HSPBAP1: variants seen among roughly 807,000 people sequenced by gnomAD.
HSPBAP1 encodes HSPB1 associated protein 1, also known as HSPB1-associated protein 1.
Under a neutral mutation model 45.2 loss-of-function variants are expected in HSPBAP1, and 27 were observed. The ratio of observed to expected loss-of-function variants is 0.60; its 90% CI spans 0.44 to 0.82. HSPBAP1 has a LOEUF of 0.82. Among genes scored for constraint, HSPBAP1 ranks in the 40% least tolerant of loss-of-function variants. The probability of loss-of-function intolerance (pLI) is 0.00; values close to 1 mark genes in which losing one functional copy is unlikely to be tolerated. For missense variants in HSPBAP1, 510 were observed against 590.9 expected (o/e 0.86, Z 1.42); for synonymous variants, 204 against 202.7 (o/e 1.01, Z -0.06).
chr3:122,779,783 G>T (rs370377325), intron 1 of HSPBAP1, among the ~76,000 whole-genome samples: 7,107 of 150,144 alleles, frequency 0.047, 194 homozygotes, highest in Middle Eastern at 0.092. Flanking sequence ...ATTTAACCCT[G>T]AGTGGACACA....
intron 6 of HSPBAP1, among the ~76,000 whole-genome samples, chr3:122,747,388 C>A (rs1230185404): frequency 1.3e-5 from 2 of 151,568 alleles, no homozygotes; most frequent in African/African-American, 4.9e-5. Flanking sequence ...GGCAACCGCC[C>A]CATCTGAGAA....
At chr3:122,749,073 A>G (rs1211968350) in intron 6 of HSPBAP1, among the ~76,000 whole-genome samples, 1 of 151,908 alleles carries the variant, frequency 6.6e-6, no homozygotes, top group Non-Finnish European at 1.5e-5. Flanking sequence ...ACATATTTAT[A>G]TGCTTATGCA....
At chr3:122,761,897 T>A (rs757130828) in intron 3 of HSPBAP1, 2 of 151,804 alleles carry the variant, frequency 1.3e-5, no homozygotes. Context: ...GGTAGTCAAA[T>A]GTCTGAAGTC....
chr3:122,777,932 T>C (rs774877049), intron 1 of HSPBAP1, 26 bp from the exon 2 acceptor site: 6 of 1,537,080 alleles, frequency 3.9e-6, no homozygotes, highest in South Asian at 2.3e-5. Context: ...AATACAGCAA[T>C]AGATAGAAAA....
At chr3:122,753,002 G>T in intron 5 of HSPBAP1, 1 of 1,032,862 alleles carries the variant, frequency 9.7e-7, no homozygotes, top group Non-Finnish European at 1.2e-6. Flanking sequence ...ATAGTTGCGT[G>T]CATTCTGAGA....
At chr3:122,752,107 G>T (rs963681749) in intron 6 of HSPBAP1, among the ~76,000 whole-genome samples, 2 of 152,264 alleles carry the variant, frequency 1.3e-5, no homozygotes, top group African/African-American at 4.8e-5. Context: ...CAGAGGGAAA[G>T]GCTTCTGGCA....
intron 6 of HSPBAP1, among the ~76,000 whole-genome samples, chr3:122,748,325 G>C (rs1288970619): frequency 1.3e-5 from 2 of 150,404 alleles, no homozygotes; most frequent in African/African-American, 4.9e-5. Context: ...CTCCACTATT[G>C]TCCTATGACC....
At chr3:122,747,340 C>T (rs1162013638) in intron 6 of HSPBAP1, among the ~76,000 whole-genome samples, 5 of 151,700 alleles carry the variant, frequency 3.3e-5, no homozygotes, top group East Asian at 2.0e-4. Context: ...CGTCTCTGCC[C>T]GGCCGCCCCG....
chr3:122,786,766 C>G (rs753084143), intron 1 of HSPBAP1, among the ~76,000 whole-genome samples: 1 of 152,102 alleles, frequency 6.6e-6, no homozygotes, highest in Non-Finnish European at 1.5e-5. Context: ...AGCAGAGTAG[C>G]AGGATGTTCA....
chr3:122,788,931 TTTATG>T (rs1036860577), intron 1 of HSPBAP1, among the ~76,000 whole-genome samples: 9 of 152,290 alleles, frequency 5.9e-5, no homozygotes, highest in African/African-American at 1.9e-4. Context: ...CATGGTAAAT[TTTATG>T]TTATATGTTT....
At position 122,752,656 on chromosome 3, in the gene HSPBAP1, G is replaced by C. The variant is rs762847281; in HGVS notation, c.760C>G (p.His254Asp). The C allele has an allele frequency of 6.2e-7, 1 of 1,608,146 alleles. No individual in the cohort carries two copies. Among genetic ancestry groups the C allele is most frequent in the Non-Finnish European group, 8.5e-7 (1 of 1,177,486 alleles). ...SPGQVLFVPR[H>D]WWHYVESIDP... is the part of the protein sequence containing the mutation. ...ATGGATTCTACGTAATGCCACCAGT[G>C]TCTGGGAACAAAGAGAACCTGAAAA... Residue 254 changes from histidine to aspartate, a missense_variant, in exon 6 of 8, where the codon CAC becomes GAC. His to Asp is a moderately conservative substitution (Grantham distance 81, BLOSUM62 -1). Transcript: ENST00000306103.
chr3:122,780,483 ACGGGGCAGCTGGCCGGG>A lies in HSPBAP1; in HGVS notation c.65-2594_65-2578del, dbSNP rs1935400787. Among the ~76,000 whole-genome samples the A allele has an allele frequency of 8.0e-5, 9 of 112,084 alleles. No homozygotes were observed. The South Asian group carries it at 2.3e-3, about 29-fold the overall frequency. The allele number at this position is 112,084 out of a possible 152,430, so 73.5% of individuals were successfully genotyped here. Reference sequence around the variant, plus strand: ...GGCAGAGGCGCCCCTCACCTCCCGGACGGGGCAGCTGGCCGGGCGGGGGCTGACCCCCCCACCTCCCT... The same window carrying A: ...GGCAGAGGCGCCCCTCACCTCCCGGACGGGGGCTGACCCCCCCACCTCCCT... On this transcript the variant is annotated intron_variant, in intron 1 of 7. Coordinates refer to ENST00000306103, the MANE Select transcript of HSPBAP1 (RefSeq NM_024610.6).
rs1417402986 is a variant in HSPBAP1 at position 122,780,549 on chromosome 3, C to T, written c.65-2643G>A. ...CTCCCGGACGGGGCGGCTGGCCGGA[C>T]GGGGGGCTGAACCCCCAACTCACTC... On this transcript the variant is annotated intron_variant, in intron 1 of 7. Coordinates refer to ENST00000306103, the MANE Select transcript of HSPBAP1 (RefSeq NM_024610.6). Among the ~76,000 whole-genome samples the T allele has an allele frequency of 9.9e-5, 13 of 131,538 alleles. 1 individual carries two copies. Among genetic ancestry groups the T allele is most frequent in the African/African-American group, 4.0e-4 (12 of 30,056 alleles). 86.3% of individuals were successfully genotyped at this position (131,538 alleles called of 152,430 possible).
At chr3:122,758,763 G>A in intron 4 of HSPBAP1, 1 of 454,962 alleles carries the variant, frequency 2.2e-6, no homozygotes, top group Non-Finnish European at 4.4e-6. Flanking sequence ...TGGGCATACT[G>A]GCACACACCT....
chr3:122,774,893 CT>C (rs995158702), intron 2 of HSPBAP1, among the ~76,000 whole-genome samples: 113 of 152,292 alleles, frequency 7.4e-4, no homozygotes, highest in Middle Eastern at 3.4e-3. Flanking sequence ...TGCTCATATC[CT>C]TTGATCCAGT....
rs555999827 is a variant in HSPBAP1, at chr3:122,740,362, G to A, written c.1450C>T (p.Gln484Ter). 1 of 1,600,366 alleles carries A rather than the reference G, an allele frequency of 6.2e-7. No homozygotes were observed. The highest frequency in any genetic ancestry group is 1.1e-5 in the South Asian group (1 of 90,158). ...CACTTGAATCATAAACTTCTTCCTTGTATCAAAAGTTGTGCCACTATCCTG... is the reference window on the plus strand; with the variant it reads ...CACTTGAATCATAAACTTCTTCCTTATATCAAAAGTTGTGCCACTATCCTG... The part of the protein sequence containing the change: ...VTRIVAQLLI[Q>*]GRSL Residue 484 changes from glutamine to a stop codon, truncating the protein, a stop_gained, in exon 8 of 8, where the codon CAA (glutamine) becomes TAA (stop). Coordinates refer to ENST00000306103, the MANE Select transcript of HSPBAP1 (RefSeq NM_024610.6). LOFTEE classifies it high-confidence loss of function.
At chr3:122,762,182 A>G (rs1934616034) in intron 3 of HSPBAP1, among the ~76,000 whole-genome samples, 1 of 152,188 alleles carries the variant, frequency 6.6e-6, no homozygotes, top group Non-Finnish European at 1.5e-5. Flanking sequence ...GGAGGGTCCT[A>G]GATCTGCTTT....
intron 5 of HSPBAP1, chr3:122,753,534 G>A: frequency 1.0e-6 from 1 of 984,692 alleles, no homozygotes; most frequent in South Asian, 4.7e-5. Context: ...ATATAAATAG[G>A]AAGGTATAAT....
chr3:122,782,782 C>T (rs1935530036), intron 1 of HSPBAP1, among the ~76,000 whole-genome samples: 1 of 152,066 alleles, frequency 6.6e-6, no homozygotes, highest in Admixed American at 6.6e-5. Flanking sequence ...CTTCTATCAC[C>T]CAACCTTCTT....
Sources: gnomAD v4.1 joint callset for allele counts (sites outside exome capture counted in the v4.1 genomes callset) on GRCh38, gnomAD v4.1.1 for gene constraint, MANE v1.5 for transcripts, NCBI Gene and HGNC (gene_info 2026-07-23, HGNC 2026-07-21) for gene names.